SCAMP1: variants seen among roughly 807,000 people sequenced by gnomAD.
SCAMP1 encodes the protein secretory carrier-associated membrane protein 1.
SCAMP1 carries 15 observed loss-of-function variants against 41.8 expected under a neutral mutation model. The ratio of observed to expected loss-of-function variants is 0.36; its 90% CI spans 0.24 to 0.55. SCAMP1 has a LOEUF of 0.55. Ranked by LOEUF, SCAMP1 falls within the 20% of genes least tolerant of loss-of-function variation. SCAMP1 has a pLI of 0.86. For synonymous variants in SCAMP1, 135 were observed against 136.8 expected (o/e 0.99, Z 0.09); for missense variants, 341 against 412.6 (o/e 0.83, Z 1.50).
chr5:78,433,847 G>C (rs1752680379), intron 6 of SCAMP1, among the ~76,000 whole-genome samples: 1 of 152,108 alleles, frequency 6.6e-6, no homozygotes, highest in Admixed American at 6.5e-5. Flanking sequence ...GGAGTGGAGA[G>C]ATCTGCCCTT....
At chr5:78,429,829 G>C (rs1363877800) in intron 6 of SCAMP1, among the ~76,000 whole-genome samples, 3 of 151,988 alleles carry the variant, frequency 2.0e-5, no homozygotes, top group Admixed American at 6.6e-5. Context: ...CATGCTGGAA[G>C]TGAATTTCCA....
chr5:78,399,341 T>C (rs1167959207), intron 2 of SCAMP1, among the ~76,000 whole-genome samples: 1 of 152,232 alleles, frequency 6.6e-6, no homozygotes, highest in Non-Finnish European at 1.5e-5. Context: ...TACCAAGGAA[T>C]AGACTGACTG....
chr5:78,360,771 T>C (rs768141781), intron 1 of SCAMP1, 43 bp downstream of exon 1: 23 of 1,569,026 alleles, frequency 1.5e-5, no homozygotes, highest in Admixed American at 1.8e-5. Flanking sequence ...CGACGCGTCG[T>C]TGTTTGTGAA....
At position 78,388,819 on chromosome 5, in the gene SCAMP1, C is replaced by T. The variant is rs747421747; in HGVS notation, c.58-18C>T. ...AAGGATAAGTAATCTTTTTTTTCTC[C>T]TTTGAATTTTATTCTAGGATCCATC... On this transcript the variant is annotated intron_variant, in intron 1 of 8. Transcript: ENST00000621999. 57 of 1,355,096 alleles carry T rather than the reference C, an allele frequency of 4.2e-5. No homozygotes were observed. In the Admixed American group the frequency reaches 9.7e-4, roughly 23 times the overall value. 83.9% of individuals were successfully genotyped at this position (1,355,096 alleles called of 1,614,324 possible).
At chr5:78,463,844 G>A (rs1753675275) in intron 8 of SCAMP1, among the ~76,000 whole-genome samples, 1 of 147,064 alleles carries the variant, frequency 6.8e-6, no homozygotes, top group African/African-American at 2.6e-5. Context: ...AAAATGCATA[G>A]TATACAGATT....
chr5:78,382,978 T>C (rs781594481), intron 1 of SCAMP1, among the ~76,000 whole-genome samples: 5 of 152,234 alleles, frequency 3.3e-5, no homozygotes, highest in Non-Finnish European at 4.4e-5. Context: ...GTGGGATTGC[T>C]GGATCAAATG....
chr5:78,431,858 A>T (rs967583709), intron 6 of SCAMP1, among the ~76,000 whole-genome samples: 3 of 152,088 alleles, frequency 2.0e-5, no homozygotes, highest in African/African-American at 7.2e-5. Flanking sequence ...GGAGGTGTGT[A>T]TATTTATAGG....
At chr5:78,391,293 A>T (rs1260863206) in intron 2 of SCAMP1, among the ~76,000 whole-genome samples, 1 of 142,914 alleles carries the variant, frequency 7.0e-6, no homozygotes, top group Non-Finnish European at 1.5e-5. Context: ...TGACCCCCCC[A>T]CCTCCCTCCC....
chr5:78,457,310 G>T (rs1484860862), intron 7 of SCAMP1, among the ~76,000 whole-genome samples: 1 of 152,140 alleles, frequency 6.6e-6, no homozygotes, highest in African/African-American at 2.4e-5. Flanking sequence ...CCCCGTCTTT[G>T]TGGTTTTATC....
chr5:78,428,187 A>G (rs1487450607), intron 6 of SCAMP1, among the ~76,000 whole-genome samples: 1 of 152,148 alleles, frequency 6.6e-6, no homozygotes, highest in Non-Finnish European at 1.5e-5. Flanking sequence ...TAGGTGTATA[A>G]TACATTTTGA....
chr5:78,419,059 G>A (rs1752277795), intron 5 of SCAMP1, among the ~76,000 whole-genome samples, 156 bp downstream of exon 5: 1 of 152,084 alleles, frequency 6.6e-6, no homozygotes, highest in Non-Finnish European at 1.5e-5. Flanking sequence ...TCCTATTTAG[G>A]TACTTCAGAA....
intron 6 of SCAMP1, among the ~76,000 whole-genome samples, chr5:78,436,464 C>T (rs1437457199): frequency 2.0e-5 from 3 of 152,186 alleles, no homozygotes; most frequent in African/African-American, 7.2e-5. Flanking sequence ...TTCCCAGCAC[C>T]ATTTATTAAA....
intron 2 of SCAMP1, among the ~76,000 whole-genome samples, chr5:78,411,979 G>A (rs557846737): frequency 8.5e-5 from 13 of 152,074 alleles, no homozygotes; most frequent in African/African-American, 2.9e-4. Context: ...TATGTAAAAT[G>A]TGCATTTCTT....
intron 1 of SCAMP1, among the ~76,000 whole-genome samples, chr5:78,380,767 T>C (rs1025275483): frequency 7.9e-5 from 12 of 152,128 alleles, no homozygotes; most frequent in Admixed American, 3.3e-4. Context: ...ACAACAGATA[T>C]AGTAAAAACA....
intron 2 of SCAMP1, among the ~76,000 whole-genome samples, chr5:78,396,620 A>G (rs1751658120): frequency 6.6e-6 from 1 of 151,908 alleles, no homozygotes; most frequent in African/African-American, 2.4e-5. Flanking sequence ...ATGGTATTTA[A>G]AGGTATAAGA....
intron 1 of SCAMP1, among the ~76,000 whole-genome samples, chr5:78,372,460 T>G (rs1260785740): frequency 1.3e-5 from 2 of 152,082 alleles, no homozygotes; most frequent in Non-Finnish European, 2.9e-5. Flanking sequence ...AGGGGGAAGG[T>G]TCATTTGTGA....
chr5:78,394,939 CT>C (rs1403393920), intron 2 of SCAMP1, among the ~76,000 whole-genome samples: 2 of 152,156 alleles, frequency 1.3e-5, no homozygotes, highest in African/African-American at 2.4e-5. Context: ...TCTTTCTTAC[CT>C]GTCCTAAGTC....
rs1344526341 is a variant in SCAMP1 at position 78,455,053 on chromosome 5, G to A, written c.735-4192G>A. On this transcript the variant is annotated intron_variant, in intron 7 of 8. Transcript: ENST00000621999. ...TATCCCCTTTATCATTTTTTATTGT[G>A]TCTATTTGATTCTTCTCTCTTTTTT... Among the ~76,000 whole-genome samples the A allele has an allele frequency of 7.9e-5, 12 of 151,490 alleles. 1 individual carries two copies. Among genetic ancestry groups the A allele is most frequent in the East Asian group, 5.9e-4 (3 of 5,120 alleles).
At chr5:78,383,073 A>G (rs1751250282) in intron 1 of SCAMP1, among the ~76,000 whole-genome samples, 1 of 152,252 alleles carries the variant, frequency 6.6e-6, no homozygotes, top group South Asian at 2.1e-4. Context: ...CAACAGTGTA[A>G]AAGTGTTCCC....
Sources: allele counts gnomAD v4.1 joint callset (sites outside exome capture counted in the v4.1 genomes callset), GRCh38; gene constraint gnomAD v4.1.1; transcripts MANE v1.5; gene names NCBI Gene and HGNC (gene_info 2026-07-23, HGNC 2026-07-21).